HMCN1: variants seen among roughly 807,000 people sequenced by gnomAD.
HMCN1 encodes the protein hemicentin 1, also known as hemicentin-1.
A neutral mutation model predicts 625.9 loss-of-function variants in HMCN1; 321 were observed. The ratio of observed to expected loss-of-function variants is 0.51; its 90% CI spans 0.47 to 0.56. HMCN1 has a LOEUF of 0.56. HMCN1 is among the 20% of genes least tolerant of loss of function. HMCN1 has a pLI of 0.00. For missense variants in HMCN1, 6,588 were observed against 6,887.3 expected (o/e 0.96, Z 1.54); for synonymous variants, 2,425 against 2,417.6 (o/e 1.00, Z -0.09).
At chr1:186,138,539 G>A (rs1036791630) in intron 89 of HMCN1, among the ~76,000 whole-genome samples, 5 of 152,144 alleles carry the variant, frequency 3.3e-5, no homozygotes, top group East Asian at 3.9e-4. Context: ...CCAAGGATTT[G>A]GACAGTGCTT....
chr1:185,762,664 C>A (rs967463659), intron 1 of HMCN1, among the ~76,000 whole-genome samples: 4 of 152,054 alleles, frequency 2.6e-5, no homozygotes, highest in African/African-American at 9.7e-5. Context: ...CAGTATTGAC[C>A]ATAACCCAAA....
chr1:185,961,187 G>A (rs961283067), intron 11 of HMCN1, among the ~76,000 whole-genome samples: 8 of 152,214 alleles, frequency 5.3e-5, no homozygotes, highest in African/African-American at 1.9e-4. Context: ...GCTTCCTTCA[G>A]TTGTGTAGCT....
chr1:185,855,386 T>C (rs1201937963), intron 2 of HMCN1, among the ~76,000 whole-genome samples: 1 of 152,192 alleles, frequency 6.6e-6, no homozygotes, highest in Non-Finnish European at 1.5e-5. Flanking sequence ...TATAATTTGT[T>C]AGTTTCCCAT....
At chr1:186,061,289 T>G (rs1001175677) in intron 46 of HMCN1, among the ~76,000 whole-genome samples, 1 of 152,136 alleles carries the variant, frequency 6.6e-6, no homozygotes, top group Non-Finnish European at 1.5e-5. Context: ...AGGCACCTTC[T>G]TCACAAGGCG....
Position 186,055,127 on chromosome 1 carries a change from A to G in HMCN1, c.6863-266A>G, listed in dbSNP as rs569859924. ...AAGTGATAAGTTCAAATATTTGTAT[A>G]GCTTCTCAAAAGTGGGAAGTTAGTG... On this transcript the variant is annotated intron_variant, in intron 44 of 106. Coordinates refer to ENST00000271588, the MANE Select transcript of HMCN1 (RefSeq NM_031935.3). Among the ~76,000 whole-genome samples the G allele has an allele frequency of 2.6e-5, 4 of 152,128 alleles. No individual in the cohort carries two copies. In the South Asian group the frequency reaches 8.3e-4, roughly 32 times the overall value.
chr1:185,924,584 T>A (rs779451432), intron 8 of HMCN1, among the ~76,000 whole-genome samples: 8 of 152,118 alleles, frequency 5.3e-5, no homozygotes, highest in Non-Finnish European at 1.2e-4. Context: ...TTTCCTCATA[T>A]ACGATATTCA....
Position 186,189,611 on chromosome 1 carries a change from C to T in HMCN1, c.16641C>T (p.Thr5547=). 6.2e-7 allele frequency: 1 copy of T among 1,613,292 alleles called. No individual in the cohort carries two copies. Among genetic ancestry groups the T allele is most frequent in the East Asian group, 2.2e-5 (1 of 44,862 alleles). ...KLVSLPFGIA[T]NQDLIRLVAY... ...TCTCCCTCCCATTTGGAATAGCCAC[C>T]AATCAAGATTTAATCCGGCTGGTTG... Residue 5547 remains threonine (T), a synonymous_variant, in exon 107 of 107, where the codon ACC becomes ACT. Coordinates refer to ENST00000271588, the MANE Select transcript of HMCN1 (RefSeq NM_031935.3).
intron 15 of HMCN1, among the ~76,000 whole-genome samples, chr1:185,975,815 A>T (rs779751799): frequency 1.3e-5 from 2 of 152,020 alleles, no homozygotes; most frequent in Admixed American, 1.3e-4. Flanking sequence ...ATAAATAAAT[A>T]AGAGGGCTCT....
At chr1:185,933,846 T>C (rs12068599) in intron 11 of HMCN1, 22 bp downstream of exon 11, 41,439 of 1,609,558 alleles carry the variant, frequency 0.026, 1,680 homozygotes, top group African/African-American at 0.19. Flanking sequence ...TGGTAACTTC[T>C]GAATTATGAC....
In HMCN1 at chr1:185,989,662, A is replaced by G. The variant is rs769373370; in HGVS notation, c.3208+15A>G. On this transcript the variant is annotated intron_variant, in intron 21 of 106. Coordinates refer to ENST00000271588, the MANE Select transcript of HMCN1 (RefSeq NM_031935.3). ...AACAGTCTATGGTGAGAGCTGGTGG[A>G]GGAATGGTTTTTATTGACATTGTCT... 2.5e-5 allele frequency: 40 copies of G among 1,612,522 alleles called. No individual in the cohort carries two copies. The highest frequency in any genetic ancestry group is 3.1e-5 in the Non-Finnish European group (37 of 1,179,070).
chr1:185,897,991 C>A lies in HMCN1; in HGVS notation c.622-11346C>A, dbSNP rs140289858. ...ATGGAGGAAATAAGCAGAATTTTTT[C>A]AATAAGGATTATAATAGTATTAATA... On this transcript the variant is annotated intron_variant, in intron 4 of 106. Coordinates refer to ENST00000271588, the MANE Select transcript of HMCN1 (RefSeq NM_031935.3). 2.8e-3 allele frequency among the ~76,000 whole-genome samples: 428 copies of A among 152,254 alleles called. 4 individuals carry two copies. The highest frequency in any genetic ancestry group is 0.022 in the Admixed American group (341 of 15,292).
chr1:185,778,832 A>G (rs1475670287), intron 1 of HMCN1, among the ~76,000 whole-genome samples: 1 of 152,174 alleles, frequency 6.6e-6, no homozygotes, highest in Non-Finnish European at 1.5e-5. Flanking sequence ...TTATAGCAGC[A>G]TGATTTATAG....
chr1:185,762,478 A>C (rs1167808356), intron 1 of HMCN1, among the ~76,000 whole-genome samples: 1 of 152,174 alleles, frequency 6.6e-6, no homozygotes, highest in Non-Finnish European at 1.5e-5. Context: ...TTTTAGCTTA[A>C]TCCTGAAACT....
At chr1:186,032,785 C>T (rs1007366505) in intron 36 of HMCN1, among the ~76,000 whole-genome samples, 1 of 151,456 alleles carries the variant, frequency 6.6e-6, no homozygotes, top group Non-Finnish European at 1.5e-5. Context: ...TGTGGATGTG[C>T]TGAAAGGGAA....
At chr1:185,793,335 A>G (rs575013409) in intron 1 of HMCN1, among the ~76,000 whole-genome samples, 1 of 152,290 alleles carries the variant, frequency 6.6e-6, no homozygotes, top group African/African-American at 2.4e-5. Context: ...TGTAACTTGC[A>G]TTCCTTGGTT....
At chr1:185,974,522 C>G (rs1034902676) in intron 15 of HMCN1, among the ~76,000 whole-genome samples, 1 of 152,100 alleles carries the variant, frequency 6.6e-6, no homozygotes. Flanking sequence ...AAGCAAACAG[C>G]CTCCTCTGTA....
At chr1:185,766,818 C>A (rs1655909804) in intron 1 of HMCN1, among the ~76,000 whole-genome samples, 1 of 151,340 alleles carries the variant, frequency 6.6e-6, no homozygotes, top group African/African-American at 2.4e-5. Flanking sequence ...ATCTAGGAAC[C>A]CAGGATAAGA....
chr1:185,805,343 AC>A (rs1659096550), intron 1 of HMCN1, among the ~76,000 whole-genome samples: 1 of 152,116 alleles, frequency 6.6e-6, no homozygotes, highest in Non-Finnish European at 1.5e-5. Context: ...ACAGTTTTGT[AC>A]CCCCATCCTC....
chr1:186,032,758 G>C (rs1435514518), intron 36 of HMCN1, among the ~76,000 whole-genome samples: 1 of 104,344 alleles, frequency 9.6e-6, no homozygotes, highest in African/African-American at 3.8e-5. Flanking sequence ...AAAAAAAAAA[G>C]AAAAAAAAAG....
Sources: gnomAD v4.1 joint callset for allele counts (sites outside exome capture counted in the v4.1 genomes callset) on GRCh38, gnomAD v4.1.1 for gene constraint, MANE v1.5 for transcripts, NCBI Gene and HGNC (gene_info 2026-07-23, HGNC 2026-07-21) for gene names.